The following CNTNAP2 variants were observed in gnomAD, a reference collection of about 807,000 sequenced individuals.
CNTNAP2 encodes contactin associated protein 2.
Under a neutral mutation model 155.2 loss-of-function variants are expected in CNTNAP2, and 98 were observed. That is an observed-to-expected ratio of 0.63 (90% CI 0.54 to 0.75). The LOEUF is 0.75. Among genes scored for constraint, CNTNAP2 ranks in the 30% least tolerant of loss-of-function variants. The probability of loss-of-function intolerance (pLI) is 0.00; values close to 1 mark genes in which losing one functional copy is unlikely to be tolerated. For synonymous variants in CNTNAP2, 651 were observed against 631.2 expected (o/e 1.03, Z -0.47); for missense variants, 1,727 against 1,688.1 (o/e 1.02, Z -0.40).
At chr7:147,973,029 C>A (rs997776468) in intron 14 of CNTNAP2, among the ~76,000 whole-genome samples, 4 of 152,000 alleles carry the variant, frequency 2.6e-5, no homozygotes, top group Non-Finnish European at 5.9e-5. Flanking sequence ...TGGTGGCATG[C>A]ACCTGTACTC....
rs192890476 is a variant in CNTNAP2 at position 147,184,742 on chromosome 7, G to A, written c.1348+52233G>A. Among the ~76,000 whole-genome samples, 920 of 152,148 alleles carry A rather than the reference G, an allele frequency of 6.0e-3. 3 individuals carry two copies. The highest frequency in any genetic ancestry group is 1.0e-2 in the Non-Finnish European group (680 of 68,002). On this transcript the variant is annotated intron_variant, in intron 8 of 23. Coordinates refer to ENST00000361727, the MANE Select transcript of CNTNAP2 (RefSeq NM_014141.6). ...GAAGTTGGAAGGAGAAGAAAGAAGG[G>A]GATGGGAGGAAAGAAAAGAAGGGAT...
chr7:147,720,337 G>T (rs1413471912), intron 13 of CNTNAP2, among the ~76,000 whole-genome samples: 1 of 152,110 alleles, frequency 6.6e-6, no homozygotes, highest in Non-Finnish European at 1.5e-5. Context: ...GACTCTGAAG[G>T]TTAATGTAAT....
chr7:146,616,045 T>C (rs1449687192), intron 1 of CNTNAP2, among the ~76,000 whole-genome samples: 3 of 152,208 alleles, frequency 2.0e-5, no homozygotes, highest in Non-Finnish European at 2.9e-5. Context: ...CCTTTAAACT[T>C]TCACAAAACA....
intron 21 of CNTNAP2, among the ~76,000 whole-genome samples, chr7:148,345,150 G>A (rs1033376283): frequency 3.9e-5 from 6 of 152,152 alleles, no homozygotes; most frequent in Non-Finnish European, 8.8e-5. Flanking sequence ...ACTTAGGGAG[G>A]TGGGGACCCA....
chr7:147,789,458 C>T (rs866138902), intron 13 of CNTNAP2, among the ~76,000 whole-genome samples: 4 of 152,206 alleles, frequency 2.6e-5, no homozygotes, highest in African/African-American at 9.6e-5. Context: ...AACTGTGACT[C>T]CTCCCCAGTC....
intron 21 of CNTNAP2, among the ~76,000 whole-genome samples, chr7:148,310,526 A>C (rs1464297221): frequency 6.6e-6 from 1 of 152,228 alleles, no homozygotes; most frequent in Non-Finnish European, 1.5e-5. Context: ...GTAGAGGCAG[A>C]AAGTCCTAAA....
chr7:147,244,111 C>A (rs2116644433), intron 8 of CNTNAP2, among the ~76,000 whole-genome samples: 1 of 152,234 alleles, frequency 6.6e-6, no homozygotes, highest in East Asian at 1.9e-4. Flanking sequence ...ACACTTCACC[C>A]TTTGGGGACT....
intron 1 of CNTNAP2, among the ~76,000 whole-genome samples, chr7:146,325,183 A>C (rs1196825936): frequency 6.6e-6 from 1 of 152,124 alleles, no homozygotes; most frequent in African/African-American, 2.4e-5. Context: ...CTCCTGCCTC[A>C]ACCTCCCAAA....
At chr7:147,950,120 G>A (rs71532710) in intron 14 of CNTNAP2, among the ~76,000 whole-genome samples, 1 of 151,944 alleles carries the variant, frequency 6.6e-6, no homozygotes, top group Non-Finnish European at 1.5e-5. Flanking sequence ...TGTTTCACAC[G>A]CCAGAGACCA....
In CNTNAP2 at chr7:147,047,004, C is replaced by T. The variant is rs111421765; in HGVS notation, c.550+2950C>T. Among the ~76,000 whole-genome samples, 473 of 143,740 alleles carry T rather than the reference C, an allele frequency of 3.3e-3. 7 individuals carry two copies. Among genetic ancestry groups the T allele is most frequent in the African/African-American group, 0.011 (436 of 38,432 alleles). 94.3% of individuals were successfully genotyped at this position (143,740 alleles called of 152,430 possible). ...CCAAGATTGCACCACTGTACTCCAACCTGGGCGACAGAGCCAGACTCCGTG... is the reference window on the plus strand; with the variant it reads ...CCAAGATTGCACCACTGTACTCCAATCTGGGCGACAGAGCCAGACTCCGTG... On this transcript the variant is annotated intron_variant, in intron 4 of 23. Transcript: ENST00000361727.
chr7:146,487,135 G>A (rs1797069663), intron 1 of CNTNAP2, among the ~76,000 whole-genome samples: 1 of 152,132 alleles, frequency 6.6e-6, no homozygotes, highest in African/African-American at 2.4e-5. Flanking sequence ...TGATCTCATT[G>A]AAATAAGTCA....
At chr7:146,741,802 T>C (rs1801721392) in intron 1 of CNTNAP2, among the ~76,000 whole-genome samples, 1 of 151,848 alleles carries the variant, frequency 6.6e-6, no homozygotes, top group South Asian at 2.1e-4. Flanking sequence ...ATCCAGATGG[T>C]AGTAGGAAAT....
At chr7:146,545,563 C>T (rs1444297167) in intron 1 of CNTNAP2, among the ~76,000 whole-genome samples, 2 of 151,796 alleles carry the variant, frequency 1.3e-5, no homozygotes, top group Admixed American at 1.3e-4. Flanking sequence ...TATTGTCCAA[C>T]TCCCACTTAT....
At chr7:146,501,094 G>A (rs991472322) in intron 1 of CNTNAP2, among the ~76,000 whole-genome samples, 2 of 151,224 alleles carry the variant, frequency 1.3e-5, no homozygotes, top group African/African-American at 4.9e-5. Context: ...ATAAATTTTT[G>A]TATATATTTT....
intron 14 of CNTNAP2, among the ~76,000 whole-genome samples, chr7:147,934,048 G>A (rs1800559915): frequency 6.6e-6 from 1 of 152,210 alleles, no homozygotes; most frequent in African/African-American, 2.4e-5. Flanking sequence ...CTGGTTGCCA[G>A]GGGCTGGCAA....
chr7:147,414,680 G>A (rs1797158455), intron 10 of CNTNAP2, among the ~76,000 whole-genome samples: 2 of 151,632 alleles, frequency 1.3e-5, no homozygotes, highest in Middle Eastern at 3.4e-3. Context: ...GGTGGCTCAC[G>A]CCTGTAATCC....
intron 1 of CNTNAP2, among the ~76,000 whole-genome samples, chr7:146,665,944 G>A (rs2129167046): frequency 6.6e-6 from 1 of 151,596 alleles, no homozygotes; most frequent in East Asian, 1.9e-4. Flanking sequence ...AATCAGAATG[G>A]GATAATTAGC....
At chr7:147,886,351 T>C (rs1007110218) in intron 13 of CNTNAP2, among the ~76,000 whole-genome samples, 7 of 151,760 alleles carry the variant, frequency 4.6e-5, no homozygotes, top group Non-Finnish European at 8.8e-5. Flanking sequence ...GGCAGGCACC[T>C]GTAATCCCAG....
chr7:146,602,250 T>C (rs1798962062), intron 1 of CNTNAP2, among the ~76,000 whole-genome samples: 1 of 152,162 alleles, frequency 6.6e-6, no homozygotes, highest in South Asian at 2.1e-4. Context: ...GATGAGTTTT[T>C]GGCGGCATCC....
Sources: allele counts gnomAD v4.1 joint callset (sites outside exome capture counted in the v4.1 genomes callset), GRCh38; gene constraint gnomAD v4.1.1; transcripts MANE v1.5; gene names NCBI Gene and HGNC (gene_info 2026-07-23, HGNC 2026-07-21).